Variants in MALRD1 observed in about 807,000 individuals in gnomAD.
MALRD1 encodes the protein MAM and LDL-receptor class A domain-containing protein 1.
MALRD1 carries 247 observed loss-of-function variants against 242.1 expected under a neutral mutation model. The ratio of observed to expected loss-of-function variants is 1.02; its 90% CI spans 0.92 to 1.13. The LOEUF (loss-of-function observed/expected upper bound fraction) is 1.13, where lower values mean the gene tolerates loss of function less well. MALRD1 is among the 50% of genes most tolerant of loss of function. MALRD1 has a pLI of 0.00. For synonymous variants in MALRD1, 995 were observed against 866.6 expected (o/e 1.15, Z -2.60); for missense variants, 2,989 against 2,533.1 (o/e 1.18, Z -3.86).
At chr10:19,330,570 C>A (rs2130918730) in intron 23 of MALRD1, among the ~76,000 whole-genome samples, 1 of 152,186 alleles carries the variant, frequency 6.6e-6, no homozygotes, top group African/African-American at 2.4e-5. Flanking sequence ...AATAAAAAGA[C>A]TGAATTCCTT....
chr10:19,329,795 AAC>A (rs368943476), intron 23 of MALRD1, among the ~76,000 whole-genome samples: 29 of 152,256 alleles, frequency 1.9e-4, no homozygotes, highest in African/African-American at 6.7e-4. Flanking sequence ...CTTTTTTAAT[AAC>A]AGTTAATCAC....
rs1459546674 is a variant in MALRD1 at position 19,208,154 on chromosome 10, C to T, written c.2579-1114C>T. Among the ~76,000 whole-genome samples, 7 of 151,664 alleles carry T rather than the reference C, an allele frequency of 4.6e-5. No individual in the cohort carries two copies. The East Asian group carries it at 7.7e-4, about 17-fold the overall frequency. On this transcript the variant is annotated intron_variant, in intron 17 of 39. Transcript: ENST00000454679. ...GCTAAAAGCAAAACATCAGATAAGG[C>T]GAGACTGCTGTAAGACTCTTCCTAA...
At chr10:19,282,291 A>G (rs1307404900) in intron 20 of MALRD1, among the ~76,000 whole-genome samples, 1 of 152,202 alleles carries the variant, frequency 6.6e-6, no homozygotes, top group Non-Finnish European at 1.5e-5. Flanking sequence ...TTCAGATTTC[A>G]CATTAACTCA....
Position 19,435,354 on chromosome 10 carries a change from TG to T in MALRD1, c.4846-14952del, listed in dbSNP as rs1280321472. 6.6e-5 allele frequency among the ~76,000 whole-genome samples: 10 copies of T among 152,230 alleles called. No individual in the cohort carries two copies. In the South Asian group the frequency reaches 1.7e-3, roughly 25 times the overall value. On this transcript the variant is annotated intron_variant, in intron 28 of 39. Transcript: ENST00000454679. ...TTTGTCACAATTGATGAACCAATAT[TG>T]TCCGCTGTTAGTAACTGAGTCCATA...
At chr10:19,548,134 G>A (rs1835324185) in intron 32 of MALRD1, among the ~76,000 whole-genome samples, 1 of 150,090 alleles carries the variant, frequency 6.7e-6, no homozygotes, top group Non-Finnish European at 1.5e-5. Context: ...CAAGTAGCTG[G>A]GATTACAAGC....
chr10:19,491,524 G>A lies in MALRD1; in HGVS notation c.5037G>A (p.Glu1679=). The part of the protein sequence containing the change: ...IEFKNCTTVG[E]ISELCPEITD... ...TTTTTTGTTTTTCCCTAGTGGGAGA[G>A]ATCTCTGAGCTTTGTCCGGAAATCA... The change falls in exon 30 of 40, where the codon GAG becomes GAA. Residue 1679 remains glutamate (E), a synonymous_variant. Transcript: ENST00000454679. 1 of 1,549,766 alleles carries A rather than the reference G, an allele frequency of 6.5e-7. No individual in the cohort carries two copies. The highest frequency in any genetic ancestry group is 8.7e-7 in the Non-Finnish European group (1 of 1,146,722).
intron 38 of MALRD1, chr10:19,716,991 A>G (rs1218415169): frequency 6.6e-6 from 1 of 152,212 alleles, no homozygotes; most frequent in Non-Finnish European, 1.5e-5. Flanking sequence ...GGTGGACAAT[A>G]CTGATTTTTC....
chr10:19,202,613 T>A (rs1465379912), intron 14 of MALRD1, among the ~76,000 whole-genome samples: 1 of 152,182 alleles, frequency 6.6e-6, no homozygotes, highest in Non-Finnish European at 1.5e-5. Flanking sequence ...TACTTCCTAA[T>A]TTATTTTACA....
chr10:19,236,087 G>A lies in MALRD1; in HGVS notation c.2992-21597G>A, dbSNP rs530243685. ...GGCTGACAGGAATGGGTGACTACTC[G>A]AGGAGTTCATATGCATCTGTTATTT... On this transcript the variant is annotated intron_variant, in intron 18 of 39. Coordinates refer to ENST00000454679, the MANE Select transcript of MALRD1 (RefSeq NM_001142308.3). Among the ~76,000 whole-genome samples, 84 of 152,260 alleles carry A rather than the reference G, an allele frequency of 5.5e-4. 1 individual carries two copies. The highest frequency in any genetic ancestry group is 8.4e-4 in the Non-Finnish European group (57 of 68,004).
chr10:19,148,788 A>AATATATATATATATATATAT (rs767384867), intron 11 of MALRD1, among the ~76,000 whole-genome samples: 5 of 88,016 alleles, frequency 5.7e-5, no homozygotes, highest in Non-Finnish European at 9.8e-5. Context: ...AAAAAAAAAA[A>AATATATATATATATATATAT]ATATATATAT....
chr10:19,381,814 G>A (rs888336742), intron 26 of MALRD1, among the ~76,000 whole-genome samples: 1 of 151,996 alleles, frequency 6.6e-6, no homozygotes, highest in African/African-American at 2.4e-5. Flanking sequence ...ACTCCAGCCT[G>A]GGTGACAGAG....
At chr10:19,244,305 G>A (rs1307845662) in intron 18 of MALRD1, among the ~76,000 whole-genome samples, 1 of 152,118 alleles carries the variant, frequency 6.6e-6, no homozygotes, top group Non-Finnish European at 1.5e-5. Flanking sequence ...GGGCGTAGTG[G>A]CTGTCACCTG....
intron 38 of MALRD1, among the ~76,000 whole-genome samples, chr10:19,694,106 C>G (rs868742621): frequency 6.6e-6 from 1 of 152,112 alleles, no homozygotes; most frequent in East Asian, 1.9e-4. Flanking sequence ...AATGTTAGAC[C>G]TAAAACCATA....
intron 29 of MALRD1, among the ~76,000 whole-genome samples, chr10:19,480,436 G>C (rs1318602534): frequency 6.6e-6 from 1 of 152,154 alleles, no homozygotes; most frequent in Non-Finnish European, 1.5e-5. Flanking sequence ...ACTGGAAAAG[G>C]AACCAAGAGA....
chr10:19,593,317 C>T (rs1264367130), intron 33 of MALRD1, among the ~76,000 whole-genome samples: 3 of 152,172 alleles, frequency 2.0e-5, no homozygotes, highest in African/African-American at 2.4e-5. Flanking sequence ...AGCACAGCCA[C>T]ATATATCTCA....
At chr10:19,185,210 C>A (rs1314081867) in intron 14 of MALRD1, among the ~76,000 whole-genome samples, 2 of 152,162 alleles carry the variant, frequency 1.3e-5, no homozygotes, top group Non-Finnish European at 2.9e-5. Context: ...CTATTTTGTA[C>A]TGGCTGTGCT....
At chr10:19,650,473 G>A (rs1840822673) in intron 36 of MALRD1, among the ~76,000 whole-genome samples, 1 of 152,168 alleles carries the variant, frequency 6.6e-6, no homozygotes, top group African/African-American at 2.4e-5. Context: ...AGAAGACTAT[G>A]CTGTTTTTCC....
intron 7 of MALRD1, among the ~76,000 whole-genome samples, chr10:19,125,373 CTTTCT>C (rs1837246423): frequency 9.0e-6 from 1 of 110,528 alleles, no homozygotes; most frequent in Admixed American, 9.4e-5. Context: ...TTCTTTCTTT[CTTTCT>C]TTCCTTCCTT....
intron 28 of MALRD1, among the ~76,000 whole-genome samples, chr10:19,399,883 C>T (rs1342564126): frequency 2.0e-5 from 3 of 152,156 alleles, no homozygotes; most frequent in African/African-American, 7.2e-5. Flanking sequence ...AATTCTGCTA[C>T]TGTTCTCCCA....
Sources: allele counts gnomAD v4.1 joint callset (sites outside exome capture counted in the v4.1 genomes callset), GRCh38; gene constraint gnomAD v4.1.1; transcripts MANE v1.5; gene names NCBI Gene and HGNC (gene_info 2026-07-23, HGNC 2026-07-21).